FBXO47: variants seen among roughly 807,000 people sequenced by gnomAD.
FBXO47 encodes F-box only protein 47.
Under a neutral mutation model 53.9 loss-of-function variants are expected in FBXO47, and 34 were observed. That is an observed-to-expected ratio of 0.63 (90% CI 0.48 to 0.84). FBXO47 has a LOEUF of 0.84. FBXO47 is among the 40% of genes least tolerant of loss of function. The probability of loss-of-function intolerance (pLI) is 0.00; values close to 1 mark genes in which losing one functional copy is unlikely to be tolerated. For synonymous variants in FBXO47, 165 were observed against 181.6 expected (o/e 0.91, Z 0.73); for missense variants, 485 against 541.3 (o/e 0.90, Z 1.03).
intron 1 of FBXO47, among the ~76,000 whole-genome samples, chr17:38,963,909 G>C (rs1218733691): frequency 6.9e-6 from 1 of 144,712 alleles, no homozygotes; most frequent in African/African-American, 2.5e-5. Flanking sequence ...CAATCCTCCT[G>C]CCTCAGCCTC....
intron 9 of FBXO47, among the ~76,000 whole-genome samples, 156 bp downstream of exon 9, chr17:38,942,622 T>A (rs1016256254): frequency 6.6e-6 from 1 of 152,138 alleles, no homozygotes; most frequent in Non-Finnish European, 1.5e-5. Flanking sequence ...AGAAAACATA[T>A]GTTTTAATAT....
At chr17:38,954,326 A>T (rs1273985833) in intron 5 of FBXO47, among the ~76,000 whole-genome samples, 1 of 152,040 alleles carries the variant, frequency 6.6e-6, no homozygotes, top group Non-Finnish European at 1.5e-5. Flanking sequence ...TAAATAAATA[A>T]AAATAAATTA....
chr17:38,961,746 TA>T (rs1259407253), intron 3 of FBXO47, 130 bp downstream of exon 3: 3 of 762,122 alleles, frequency 3.9e-6, no homozygotes, highest in Non-Finnish European at 6.4e-6. Flanking sequence ...CACTAAAGAG[TA>T]AAAACATCAT....
At chr17:38,958,860 C>A (rs905917640) in intron 3 of FBXO47, among the ~76,000 whole-genome samples, 1 of 152,002 alleles carries the variant, frequency 6.6e-6, no homozygotes, top group East Asian at 1.9e-4. Context: ...TCATACTTGA[C>A]AACTAAGGGA....
intron 2 of FBXO47, among the ~76,000 whole-genome samples, chr17:38,962,554 C>T (rs1044219993): frequency 2.0e-5 from 3 of 150,492 alleles, no homozygotes; most frequent in Admixed American, 6.6e-5. Context: ...TGCGGTGAGC[C>T]GAGATTACGC....
chr17:38,946,324 AAATATATAAAT>A lies in FBXO47; in HGVS notation c.617-1199_617-1189del, dbSNP rs1904818315. Among the ~76,000 whole-genome samples, 2 of 79,368 alleles carry A rather than the reference AAATATATAAAT, an allele frequency of 2.5e-5. 1 individual carries two copies. Among genetic ancestry groups the A allele is most frequent in the African/African-American group, 1.1e-4 (2 of 18,722 alleles). 52.1% of individuals were successfully genotyped at this position (79,368 alleles called of 152,430 possible). On this transcript the variant is annotated intron_variant, in intron 6 of 10. Transcript: ENST00000378079. ...TATATATAAATATATAAATATATAT[AAATATATAAAT>A]ATATATAAATATATAAATATATATA...
At position 38,942,903 on chromosome 17, in the gene FBXO47, G is replaced by A; in HGVS notation, c.958C>T (p.Leu320Phe). Residue 320 changes from leucine (L) to phenylalanine (F), a missense_variant, in exon 9 of 11, where the codon CTT becomes TTT. Physicochemically the swap from Leu to Phe is conservative, Grantham distance 22 (BLOSUM62 0). Coordinates refer to ENST00000378079, the MANE Select transcript of FBXO47 (RefSeq NM_001008777.3). ...DELSVVPREW[L>F]LENNARLLML... is the part of the protein sequence containing the mutation. The stretch of plus-strand genomic sequence containing the variant: ...AGGAGACGTGCATTATTCTCTAGAA[G>A]CCACTCACGGGGAACCACTTTTATT... The A allele has an allele frequency of 6.2e-7, 1 of 1,608,044 alleles. No individual in the cohort carries two copies. The highest frequency in any genetic ancestry group is 1.3e-5 in the African/African-American group (1 of 74,794).
rs747915639 is a variant in FBXO47, at chr17:38,954,851, T to C, written c.507+5A>G. The stretch of plus-strand genomic sequence containing the variant: ...CCTTTTCTTCTCTGATTAAAAAAAA[T>C]GTACCTGTAAAAACATGCCATAACA... On this transcript the variant is annotated splice_donor_5th_base_variant and intron_variant, in intron 5 of 10. Coordinates refer to ENST00000378079, the MANE Select transcript of FBXO47 (RefSeq NM_001008777.3). 7.6e-6 allele frequency: 12 copies of C among 1,584,408 alleles called. No homozygotes were observed. Among genetic ancestry groups the C allele is most frequent in the East Asian group, 2.2e-5 (1 of 44,516 alleles).
chr17:38,944,190 CATGTGTGTGT>C (rs1345416688), intron 7 of FBXO47, among the ~76,000 whole-genome samples: 32 of 122,758 alleles, frequency 2.6e-4, no homozygotes, highest in African/African-American at 5.5e-4. Flanking sequence ...TCAAAAAAAA[CATGTGTGTGT>C]GTGTGTGTGT....
chr17:38,938,403 A>G (rs190569802), intron 10 of FBXO47, among the ~76,000 whole-genome samples, 170 bp downstream of exon 10: 5 of 152,308 alleles, frequency 3.3e-5, no homozygotes, highest in Admixed American at 6.5e-5. Context: ...AAAACAAACA[A>G]AAGTCCGCTT....
At chr17:38,947,011 A>T (rs1210606508) in intron 6 of FBXO47, among the ~76,000 whole-genome samples, 1 of 138,088 alleles carries the variant, frequency 7.2e-6, no homozygotes, top group Non-Finnish European at 1.5e-5. Flanking sequence ...AATATATGTA[A>T]ATATATATAA....
rs763025284 is a variant in FBXO47 at position 38,943,656 on chromosome 17, G to A, written c.874C>T (p.Leu292=). The change falls in exon 8 of 11, where the codon CTA becomes TTA. Residue 292 remains leucine (L), a synonymous_variant. Transcript: ENST00000378079. ...CACTCTTTAGTGCTAGCGTCATATA[G>A]TAACTTAATGGCATCAGCCAAACCT... is the stretch of plus-strand genomic sequence containing the variant. ...LKGLADAIKL[L]YDASTKEWTA... is the part of the protein sequence containing the mutation. 2 of 1,610,124 alleles carry A rather than the reference G, an allele frequency of 1.2e-6. No homozygotes were observed. Among genetic ancestry groups the A allele is most frequent in the South Asian group, 2.2e-5 (2 of 90,442 alleles).
intron 10 of FBXO47, 43 bp downstream of exon 10, chr17:38,938,530 G>C: frequency 7.0e-7 from 1 of 1,433,140 alleles, no homozygotes; most frequent in Admixed American, 1.8e-5. Flanking sequence ...AGACTAGAGC[G>C]CATTTTTACG....
At chr17:38,946,659 AATATATAAAT>A (rs1157416538) in intron 6 of FBXO47, among the ~76,000 whole-genome samples, 2 of 53,012 alleles carry the variant, frequency 3.8e-5, no homozygotes, top group Admixed American at 3.1e-4. Context: ...AATATATATG[AATATATAAAT>A]ATATATAAAT....
At position 38,961,992 on chromosome 17, in the gene FBXO47, A is replaced by AATGAGAT; in HGVS notation, c.236_237insATCTCAT (p.Asn80SerfsTer3). ...TTCCTGATGAGGTTGAGATATAATTAATAATGTGTTGGCTGACTGTTTTGG... is the reference window on the plus strand; with the variant it reads ...TTCCTGATGAGGTTGAGATATAATTAATGAGATATAATGTGTTGGCTGACTGTTTTGG... On this transcript the variant is annotated frameshift_variant, in exon 3 of 11. Transcript: ENST00000378079. LOFTEE classifies it high-confidence loss of function. The AATGAGAT allele has an allele frequency of 6.2e-7, 1 of 1,613,972 alleles. No individual in the cohort carries two copies. Among genetic ancestry groups the AATGAGAT allele is most frequent in the Non-Finnish European group, 8.5e-7 (1 of 1,179,974 alleles).
chr17:38,962,173 G>GA (rs1905846411), intron 2 of FBXO47, 126 bp from the exon 3 acceptor site: 5 of 736,996 alleles, frequency 6.8e-6, no homozygotes, highest in African/African-American at 3.6e-5. Flanking sequence ...ATCCCTTTGG[G>GA]AAAAAAGGGA....
chr17:38,945,935 C>CAAA lies in FBXO47; in HGVS notation c.617-802_617-800dup, dbSNP rs34412322. On this transcript the variant is annotated intron_variant, in intron 6 of 10. Transcript: ENST00000378079. ...TGGGTGACAGAGCGAGACTCTGGCT[C>CAAA]AAAAAAAAAAAAAATATATATATAT... Among the ~76,000 whole-genome samples, 20 of 94,568 alleles carry CAAA rather than the reference C, an allele frequency of 2.1e-4. 1 individual carries two copies. Among genetic ancestry groups the CAAA allele is most frequent in the African/African-American group, 7.9e-4 (17 of 21,476 alleles). 62.0% of individuals were successfully genotyped at this position (94,568 alleles called of 152,430 possible). A position where few individuals can be genotyped will look rare whatever the true frequency, so the allele number is the denominator to read the frequency against.
At chr17:38,954,358 A>G (rs952978571) in intron 5 of FBXO47, among the ~76,000 whole-genome samples, 5 of 152,124 alleles carry the variant, frequency 3.3e-5, no homozygotes, top group Non-Finnish European at 7.4e-5. Flanking sequence ...TAAACTGCTT[A>G]GAACAGTGTT....
intron 6 of FBXO47, among the ~76,000 whole-genome samples, chr17:38,949,677 T>C (rs1905137680): frequency 6.6e-6 from 1 of 152,210 alleles, no homozygotes; most frequent in Admixed American, 6.5e-5. Flanking sequence ...TAACACTTAT[T>C]ATTTAAATCG....
Sources: allele counts gnomAD v4.1 joint callset (sites outside exome capture counted in the v4.1 genomes callset), GRCh38; gene constraint gnomAD v4.1.1; transcripts MANE v1.5; gene names NCBI Gene and HGNC (gene_info 2026-07-23, HGNC 2026-07-21).